The following CDH13 variants were observed in gnomAD, a reference collection of about 807,000 sequenced individuals.
CDH13 encodes cadherin 13.
In CDH13, 24 loss-of-function variants were observed where a neutral mutation model predicts 63.8. That is an observed-to-expected ratio of 0.38 (90% CI 0.27 to 0.53). The LOEUF (loss-of-function observed/expected upper bound fraction) is 0.53, where lower values mean the gene tolerates loss of function less well. Among genes scored for constraint, CDH13 ranks in the 20% least tolerant of loss-of-function variants. The pLI, the probability that CDH13 is intolerant of heterozygous loss-of-function variation, is 0.85. For synonymous variants in CDH13, 503 were observed against 355.3 expected, an observed-to-expected ratio of 1.42 and a Z score of -4.67; for missense variants, 1,049 against 903.1, an observed-to-expected ratio of 1.16 and a Z score of -2.07.
At chr16:82,764,230 A>G (rs867064711) in intron 1 of CDH13, among the ~76,000 whole-genome samples, 1 of 152,196 alleles carries the variant, frequency 6.6e-6, no homozygotes, top group African/African-American at 2.4e-5. Context: ...CATGACTGCA[A>G]CTTTTGAATT....
chr16:83,630,394 G>C (rs1207536839), intron 8 of CDH13, among the ~76,000 whole-genome samples: 2 of 152,088 alleles, frequency 1.3e-5, no homozygotes, highest in African/African-American at 4.8e-5. Flanking sequence ...AGGTGCTCAG[G>C]GTATAACCTG....
chr16:83,271,500 TAA>T (rs55782083), intron 5 of CDH13, among the ~76,000 whole-genome samples: 11,411 of 135,438 alleles, frequency 0.084, 460 homozygotes, highest in East Asian at 0.15. Context: ...GGCTTTTATT[TAA>T]AAAAAAACAA....
chr16:82,843,629 G>T (rs2151137278), intron 1 of CDH13, among the ~76,000 whole-genome samples: 1 of 152,248 alleles, frequency 6.6e-6, no homozygotes, highest in East Asian at 1.9e-4. Context: ...TTTTTCTGGT[G>T]TGAAAAAGTA....
intron 6 of CDH13, among the ~76,000 whole-genome samples, chr16:83,435,993 A>G (rs911831427): frequency 2.0e-5 from 3 of 152,210 alleles, no homozygotes; most frequent in Non-Finnish European, 4.4e-5. Flanking sequence ...CCCCAAGGAT[A>G]CATTTGACAA....
chr16:82,643,995 C>T (rs1909753610), intron 1 of CDH13, among the ~76,000 whole-genome samples: 1 of 152,092 alleles, frequency 6.6e-6, no homozygotes, highest in Admixed American at 6.5e-5. Context: ...AGTGATCCTC[C>T]AGGAGTAGCT....
chr16:82,674,726 A>G (rs925615631), intron 1 of CDH13, among the ~76,000 whole-genome samples: 5 of 152,158 alleles, frequency 3.3e-5, no homozygotes, highest in Admixed American at 2.0e-4. Context: ...TACTTTGTGG[A>G]TGTTTGAGGT....
chr16:82,909,225 C>A (rs1054194514), intron 2 of CDH13, among the ~76,000 whole-genome samples: 1 of 150,348 alleles, frequency 6.7e-6, no homozygotes, highest in African/African-American at 2.5e-5. Flanking sequence ...AGATGTGGAA[C>A]CCACAGAAAC....
intron 2 of CDH13, among the ~76,000 whole-genome samples, chr16:82,893,416 A>G (rs2041148476): frequency 6.6e-6 from 1 of 152,248 alleles, no homozygotes; most frequent in Non-Finnish European, 1.5e-5. Context: ...AAACCAAGAA[A>G]GAAATGTGGA....
At chr16:83,508,810 G>C (rs1314757848) in intron 7 of CDH13, among the ~76,000 whole-genome samples, 2 of 152,238 alleles carry the variant, frequency 1.3e-5, no homozygotes, top group Admixed American at 1.3e-4. Context: ...CAGAGAGCTA[G>C]CTGGATCCAT....
chr16:83,368,746 C>T (rs1038289841), intron 6 of CDH13, among the ~76,000 whole-genome samples: 3 of 151,380 alleles, frequency 2.0e-5, no homozygotes, highest in Non-Finnish European at 2.9e-5. Flanking sequence ...TTAGCTCCTA[C>T]AGGTGAGTGA....
chr16:83,033,428 A>T (rs985900538), intron 3 of CDH13, among the ~76,000 whole-genome samples: 1 of 152,002 alleles, frequency 6.6e-6, no homozygotes, highest in Non-Finnish European at 1.5e-5. Flanking sequence ...TTGTTTCCCA[A>T]TGACTTTTGG....
At chr16:82,672,618 A>G (rs1171853628) in intron 1 of CDH13, among the ~76,000 whole-genome samples, 2 of 152,034 alleles carry the variant, frequency 1.3e-5, no homozygotes, top group Non-Finnish European at 2.9e-5. Context: ...CTAGGTGATC[A>G]GTCACCAACT....
intron 10 of CDH13, among the ~76,000 whole-genome samples, chr16:83,699,609 C>T (rs936331208): frequency 6.6e-6 from 1 of 152,172 alleles, no homozygotes; most frequent in Non-Finnish European, 1.5e-5. Context: ...CTCCCCAGTC[C>T]TCCCTTGGCA....
intron 5 of CDH13, among the ~76,000 whole-genome samples, chr16:83,281,476 T>C (rs1256943892): frequency 2.6e-5 from 4 of 152,230 alleles, no homozygotes; most frequent in Non-Finnish European, 5.9e-5. Flanking sequence ...CAGTTTCACT[T>C]CCTTGCCATT....
At chr16:83,574,284 A>C (rs1904907482) in intron 7 of CDH13, among the ~76,000 whole-genome samples, 1 of 152,172 alleles carries the variant, frequency 6.6e-6, no homozygotes, top group Non-Finnish European at 1.5e-5. Flanking sequence ...CTCCATTCTT[A>C]GAAACTGTGC....
At chr16:83,413,283 A>T (rs1387260369) in intron 6 of CDH13, among the ~76,000 whole-genome samples, 3 of 152,182 alleles carry the variant, frequency 2.0e-5, no homozygotes, top group Non-Finnish European at 4.4e-5. Flanking sequence ...AATAGCTTCA[A>T]ATCTCACAAT....
At chr16:82,666,178 G>C (rs1034544957) in intron 1 of CDH13, among the ~76,000 whole-genome samples, 1 of 152,136 alleles carries the variant, frequency 6.6e-6, no homozygotes, top group Non-Finnish European at 1.5e-5. Context: ...AACCTGTTCA[G>C]GGAAGTTGGG....
intron 2 of CDH13, among the ~76,000 whole-genome samples, chr16:82,977,249 A>G (rs1425550303): frequency 6.6e-6 from 1 of 152,130 alleles, no homozygotes. Context: ...GAGCTGGACA[A>G]CACTGGGATG....
intron 6 of CDH13, among the ~76,000 whole-genome samples, chr16:83,395,123 G>A (rs982029981): frequency 7.5e-5 from 11 of 147,228 alleles, no homozygotes; most frequent in Non-Finnish European, 1.5e-4. Context: ...ACTCCAGCCT[G>A]GACGACAGAG....
Sources: gnomAD v4.1 joint callset for allele counts (sites outside exome capture counted in the v4.1 genomes callset) on GRCh38, gnomAD v4.1.1 for gene constraint, MANE v1.5 for transcripts, NCBI Gene and HGNC (gene_info 2026-07-23, HGNC 2026-07-21) for gene names.